The following MPDZ variants were observed in gnomAD, a reference collection of about 807,000 sequenced individuals.
The protein encoded by MPDZ is multiple PDZ domain crumbs cell polarity complex component, also known as multiple PDZ domain protein.
A neutral mutation model predicts 239.1 loss-of-function variants in MPDZ; 234 were observed. The observed-to-expected ratio is 0.98, with a 90% CI of 0.88 to 1.09. The LOEUF (loss-of-function observed/expected upper bound fraction) is 1.09, where lower values mean the gene tolerates loss of function less well. Among genes scored for constraint, MPDZ ranks in the 50% least tolerant of loss-of-function variants. The probability of loss-of-function intolerance (pLI) is 0.00; values close to 1 mark genes in which losing one functional copy is unlikely to be tolerated. For synonymous variants in MPDZ, 1,048 were observed against 881.3 expected (o/e 1.19, Z -3.35); for missense variants, 3,175 against 2,510.0 (o/e 1.26, Z -5.66).
intron 1 of MPDZ, among the ~76,000 whole-genome samples, chr9:13,278,066 A>G (rs189857054): frequency 6.6e-6 from 1 of 152,188 alleles, no homozygotes; most frequent in African/African-American, 2.4e-5. Context: ...TATTTATTCT[A>G]TAAAGGGTAA....
At chr9:13,250,238 A>C (rs2137988750) in intron 2 of MPDZ, 62 bp downstream of exon 2, 1 of 1,509,538 alleles carries the variant, frequency 6.6e-7, no homozygotes, top group Non-Finnish European at 9.1e-7. Context: ...AACATATGTC[A>C]AAAATCCCAA....
intron 18 of MPDZ, among the ~76,000 whole-genome samples, chr9:13,184,961 G>A (rs1298020546): frequency 6.6e-6 from 1 of 151,974 alleles, no homozygotes; most frequent in East Asian, 1.9e-4. Flanking sequence ...TATCCATTAA[G>A]GAGGTTCAAG....
chr9:13,133,996 T>G (rs2132144265), intron 31 of MPDZ, 92 bp from the exon 32 acceptor site: 1 of 450,894 alleles, frequency 2.2e-6, no homozygotes, highest in South Asian at 9.2e-5. Context: ...AAAATTATTT[T>G]ATACATTATA....
intron 21 of MPDZ, among the ~76,000 whole-genome samples, chr9:13,172,275 G>C (rs1951868817): frequency 6.6e-6 from 1 of 152,020 alleles, no homozygotes; most frequent in South Asian, 2.1e-4. Context: ...TATCAATAAT[G>C]GAAATGAAGC....
At chr9:13,119,100 G>T (rs896890327) in intron 39 of MPDZ, among the ~76,000 whole-genome samples, 2 of 152,144 alleles carry the variant, frequency 1.3e-5, no homozygotes, top group Admixed American at 6.5e-5. Context: ...CATTTTAAAA[G>T]ATTTGAGATG....
At chr9:13,163,630 T>A (rs1950716304) in intron 22 of MPDZ, among the ~76,000 whole-genome samples, 1 of 152,142 alleles carries the variant, frequency 6.6e-6, no homozygotes, top group African/African-American at 2.4e-5. Context: ...ATCTTCAAAT[T>A]AATGAATAGT....
intron 19 of MPDZ, among the ~76,000 whole-genome samples, chr9:13,182,459 G>C (rs1294442356): frequency 3.3e-5 from 5 of 152,002 alleles, no homozygotes; most frequent in Non-Finnish European, 7.4e-5. Context: ...TTTTGAAGTT[G>C]AGAAGTATCC....
chr9:13,252,115 C>G (rs910448342), intron 1 of MPDZ, among the ~76,000 whole-genome samples: 1 of 151,918 alleles, frequency 6.6e-6, no homozygotes, highest in Non-Finnish European at 1.5e-5. Context: ...ATTCCAATGC[C>G]GAGCATTGCA....
At chr9:13,150,477 C>A in intron 25 of MPDZ, 34 bp downstream of exon 25, 1 of 1,419,010 alleles carries the variant, frequency 7.0e-7, no homozygotes, top group Non-Finnish European at 9.3e-7. Flanking sequence ...ACAAAACAAA[C>A]AAATTTTAGC....
Position 13,224,826 on chromosome 9 carries a change from G to A in MPDZ, c.184-243C>T, listed in dbSNP as rs537304745. 8.9e-4 allele frequency among the ~76,000 whole-genome samples: 136 copies of A among 152,060 alleles called. 1 individual carries two copies. Among genetic ancestry groups the A allele is most frequent in the Non-Finnish European group, 1.6e-3 (112 of 67,986 alleles). ...TAGATGGGAAAATTCAAAAACTACC[G>A]CCAGGGTTCAACTTCAGGGTACTCA... On this transcript the variant is annotated intron_variant, in intron 3 of 46. Coordinates refer to ENST00000319217, the MANE Select transcript of MPDZ (RefSeq NM_001378778.1).
At chr9:13,149,611 G>A (rs1182501148) in intron 25 of MPDZ, among the ~76,000 whole-genome samples, 6 of 151,976 alleles carry the variant, frequency 3.9e-5, no homozygotes, top group African/African-American at 1.4e-4. Flanking sequence ...GTCCCACTTG[G>A]CAGGCAGGCA....
At chr9:13,136,510 T>C (rs1188150942) in intron 30 of MPDZ, among the ~76,000 whole-genome samples, 1 of 151,562 alleles carries the variant, frequency 6.6e-6, no homozygotes, top group Non-Finnish European at 1.5e-5. Flanking sequence ...TTTTTTTTAG[T>C]AGAGACGGGA....
chr9:13,225,942 C>G (rs1360660491), intron 3 of MPDZ, among the ~76,000 whole-genome samples: 2 of 152,050 alleles, frequency 1.3e-5, no homozygotes, highest in African/African-American at 2.4e-5. Flanking sequence ...CATCCTTTCC[C>G]TACCATAGAT....
At chr9:13,219,256 T>A (rs1958753181) in intron 8 of MPDZ, among the ~76,000 whole-genome samples, 1 of 151,974 alleles carries the variant, frequency 6.6e-6, no homozygotes, top group African/African-American at 2.4e-5. Flanking sequence ...ATTTTAGGTA[T>A]CAGTACCAAA....
Position 13,217,235 on chromosome 9 carries a change from T to G in MPDZ, c.1146A>C (p.Lys382Asn). ...TGGTAATTCCTAATCCTTGGACATT[T>G]TTAGTGAGTTCTACATCAAATGTCT... ...ESETFDVELT[K>N]NVQGLGITIA... Residue 382 changes from lysine to asparagine, a missense_variant, in exon 9 of 47, where the codon AAA (lysine) becomes AAC (asparagine). Physicochemically the swap from Lys to Asn is moderately conservative, Grantham distance 94. Coordinates refer to ENST00000319217, the MANE Select transcript of MPDZ (RefSeq NM_001378778.1). 6.2e-7 allele frequency: 1 copy of G among 1,604,476 alleles called. No individual in the cohort carries two copies. Among genetic ancestry groups the G allele is most frequent in the Non-Finnish European group, 8.5e-7 (1 of 1,175,490 alleles).
chr9:13,232,702 C>G (rs1365375231), intron 3 of MPDZ, among the ~76,000 whole-genome samples: 1 of 151,108 alleles, frequency 6.6e-6, no homozygotes, highest in Non-Finnish European at 1.5e-5. Context: ...ATAAAAACAA[C>G]TTCTGGTCAT....
chr9:13,260,916 T>C (rs1207475579), intron 1 of MPDZ, among the ~76,000 whole-genome samples: 1 of 152,158 alleles, frequency 6.6e-6, no homozygotes, highest in Non-Finnish European at 1.5e-5. Context: ...AATTCAACCA[T>C]TCCGCAGGCC....
intron 30 of MPDZ, among the ~76,000 whole-genome samples, 176 bp from the exon 31 acceptor site, chr9:13,136,358 GTCTC>G (rs1946792626): frequency 1.6e-5 from 1 of 63,666 alleles, no homozygotes; most frequent in Admixed American, 1.7e-4. Context: ...TTGAGACAGA[GTCTC>G]TTTCTGTTGC....
Position 13,224,587 on chromosome 9 carries a change from A to G in MPDZ, c.184-4T>C, listed in dbSNP as rs547211064. On this transcript the variant is annotated splice_polypyrimidine_tract_variant and splice_region_variant and intron_variant, in intron 3 of 46. Coordinates refer to ENST00000319217, the MANE Select transcript of MPDZ (RefSeq NM_001378778.1). ...TTGCTGAAGTTGCAATATTTACCTA[A>G]GAGTAATGCAGGGATTATTAAGAAT... 8.2e-6 allele frequency: 13 copies of G among 1,576,376 alleles called. No individual in the cohort carries two copies. Among genetic ancestry groups the G allele is most frequent in the Non-Finnish European group, 5.2e-6 (6 of 1,151,550 alleles).
Sources: gnomAD v4.1 joint callset for allele counts (sites outside exome capture counted in the v4.1 genomes callset) on GRCh38, gnomAD v4.1.1 for gene constraint, MANE v1.5 for transcripts, NCBI Gene and HGNC (gene_info 2026-07-23, HGNC 2026-07-21) for gene names.